The following BLTP3B variants were observed in gnomAD, a reference collection of about 807,000 sequenced individuals.
The protein encoded by BLTP3B is bridge-like lipid transfer protein family member 3B.
the BLTP3B span, among the ~76,000 whole-genome samples, chr12:100,077,655 C>A: frequency 6.6e-6 from 1 of 152,200 alleles, no homozygotes; most frequent in Non-Finnish European, 1.5e-5. Flanking sequence ...AGAGGGGAAT[C>A]ACTGAGTTAA....
At chr12:100,124,943 T>TATATAC in the BLTP3B span, among the ~76,000 whole-genome samples, 1 of 35,908 alleles carries the variant, frequency 2.8e-5, no homozygotes, top group Admixed American at 2.2e-4. Context: ...ATTTTATATA[T>TATATAC]ATATATATAT....
the BLTP3B span, among the ~76,000 whole-genome samples, chr12:100,043,574 G>T: frequency 6.6e-6 from 1 of 152,124 alleles, no homozygotes; most frequent in Non-Finnish European, 1.5e-5. Flanking sequence ...TCTTGTTCAT[G>T]TTTATCCCAT....
chr12:100,078,333 C>T, the BLTP3B span, among the ~76,000 whole-genome samples: 1 of 152,152 alleles, frequency 6.6e-6, no homozygotes, highest in African/African-American at 2.4e-5. Flanking sequence ...GGCCTCCTCC[C>T]CAGAAGCTGA....
chr12:100,107,712 A>G, the BLTP3B span, among the ~76,000 whole-genome samples: 5 of 152,134 alleles, frequency 3.3e-5, no homozygotes, highest in Non-Finnish European at 7.4e-5. Context: ...TCATGTCTTC[A>G]TTTGAAAAGT....
At chr12:100,058,035 G>C in the BLTP3B span, 2 of 1,562,604 alleles carry the variant, frequency 1.3e-6, no homozygotes, top group African/African-American at 2.8e-5. Flanking sequence ...TTACCTTAAA[G>C]ATGACTGTGA....
chr12:100,057,913 G>T, the BLTP3B span: 1 of 1,329,862 alleles, frequency 7.5e-7, no homozygotes, highest in Non-Finnish European at 1.0e-6. Flanking sequence ...TCTTCTACAT[G>T]TTAACAATGC....
the BLTP3B span, among the ~76,000 whole-genome samples, chr12:100,112,939 G>C: frequency 6.6e-6 from 1 of 151,886 alleles, no homozygotes; most frequent in South Asian, 2.1e-4. Context: ...GGGAGGCTGA[G>C]GCAAGTGGAT....
chr12:100,089,575 A>G, the BLTP3B span, among the ~76,000 whole-genome samples: 4 of 152,122 alleles, frequency 2.6e-5, no homozygotes, highest in South Asian at 8.3e-4. Context: ...AACAAAAACA[A>G]AAACAAAAAA....
At chr12:100,102,678 T>C in the BLTP3B span, 4 of 883,620 alleles carry the variant, frequency 4.5e-6, no homozygotes, top group African/African-American at 3.6e-5. Context: ...CTGACTGAAA[T>C]AGAGGCCATT....
the BLTP3B span, chr12:100,057,864 G>A: frequency 1.5e-3 from 1,974 of 1,281,090 alleles, 22 homozygotes; most frequent in African/African-American, 0.027. Flanking sequence ...ATATTTAAAC[G>A]TATAAGCTCA....
At chr12:100,037,778 G>C in the BLTP3B span, 4 of 1,559,724 alleles carry the variant, frequency 2.6e-6, no homozygotes, top group Non-Finnish European at 3.5e-6. Context: ...ATGGCGGGGG[G>C]ATAAGATAAT....
chr12:100,059,506 C>T, the BLTP3B span: 2 of 1,601,328 alleles, frequency 1.2e-6, no homozygotes, highest in Non-Finnish European at 1.7e-6. Flanking sequence ...TGATGACATT[C>T]AGATTTCACT....
chr12:100,082,324 T>G, the BLTP3B span, among the ~76,000 whole-genome samples: 1 of 152,250 alleles, frequency 6.6e-6, no homozygotes, highest in East Asian at 1.9e-4. Context: ...AGATAAATAA[T>G]TTGTGAATAT....
At chr12:100,056,995 A>G in the BLTP3B span, among the ~76,000 whole-genome samples, 1 of 152,166 alleles carries the variant, frequency 6.6e-6, no homozygotes. Context: ...CTTCTAAGTC[A>G]TTTCTAGCAG....
the BLTP3B span, among the ~76,000 whole-genome samples, chr12:100,055,761 C>A: frequency 1.3e-5 from 2 of 150,036 alleles, no homozygotes; most frequent in African/African-American, 2.4e-5. Flanking sequence ...ACTACTTAAA[C>A]TTCAGGAGCC....
chr12:100,091,109 G>A, the BLTP3B span, among the ~76,000 whole-genome samples: 9 of 138,470 alleles, frequency 6.5e-5, no homozygotes, highest in African/African-American at 2.2e-4. Context: ...TCACTGCAAC[G>A]TCCGCCTGCT....
the BLTP3B span, among the ~76,000 whole-genome samples, chr12:100,142,040 G>C: frequency 1.3e-5 from 2 of 152,174 alleles, no homozygotes; most frequent in Non-Finnish European, 2.9e-5. Flanking sequence ...TGTGCAAACA[G>C]GCACACCCTC....
At chr12:100,083,377 G>A in the BLTP3B span, among the ~76,000 whole-genome samples, 1 of 152,038 alleles carries the variant, frequency 6.6e-6, no homozygotes, top group Non-Finnish European at 1.5e-5. Flanking sequence ...TCTGGAATGG[G>A]ACTCTTGTTA....
At chr12:100,084,793 T>A in the BLTP3B span, 1 of 863,032 alleles carries the variant, frequency 1.2e-6, no homozygotes, top group Non-Finnish European at 1.7e-6. Flanking sequence ...AGGCTTCACC[T>A]ACATGTAATT....
Sources: gnomAD v4.1 joint callset for allele counts (sites outside exome capture counted in the v4.1 genomes callset) on GRCh38, gnomAD v4.1.1 for gene constraint, MANE v1.5 for transcripts, NCBI Gene and HGNC (gene_info 2026-07-23, HGNC 2026-07-21) for gene names.